The following KCNMA1 variants were observed in gnomAD, a reference collection of about 807,000 sequenced individuals.
The protein encoded by KCNMA1 is potassium calcium-activated channel subfamily M alpha 1.
Under a neutral mutation model 140.0 loss-of-function variants are expected in KCNMA1, and 29 were observed. That is an observed-to-expected ratio of 0.21 (90% CI 0.15 to 0.28). KCNMA1 has a LOEUF of 0.28. KCNMA1 is among the 10% of genes least tolerant of loss of function. KCNMA1 has a pLI of 1.00. For missense variants in KCNMA1, 880 were observed against 1,602.2 expected (o/e 0.55, Z 7.70); for synonymous variants, 612 against 611.9 (o/e 1.00, Z 0.00).
intron 1 of KCNMA1, among the ~76,000 whole-genome samples, chr10:77,404,627 G>A (rs1483968094): frequency 6.6e-6 from 1 of 152,210 alleles, no homozygotes; most frequent in Non-Finnish European, 1.5e-5. Context: ...ATGCTGAGGA[G>A]GGAGGAGGAA....
chr10:76,905,969 G>A lies in KCNMA1; in HGVS notation c.3147+3997C>T, dbSNP rs76475746. Among the ~76,000 whole-genome samples the A allele has an allele frequency of 8.5e-3, 1,288 of 152,282 alleles. 27 individuals are homozygous for A. The highest frequency in any genetic ancestry group is 0.03 in the African/African-American group (1,240 of 41,536). ...CAGAGCTTGTCAAGTGCTAAGCACC[G>A]CTCTAATCGCTTTACAACCTTTACC... On this transcript the variant is annotated intron_variant, in intron 25 of 27. Transcript: ENST00000286628.
chr10:76,945,049 G>C (rs1358843300), intron 22 of KCNMA1, 84 bp from the exon 23 acceptor site: 2 of 1,111,638 alleles, frequency 1.8e-6, no homozygotes, highest in South Asian at 1.3e-5. Context: ...AGTGAGAGGA[G>C]AGGGAAAGAG....
chr10:77,383,047 A>C (rs2095483392), intron 2 of KCNMA1, among the ~76,000 whole-genome samples: 1 of 133,614 alleles, frequency 7.5e-6, no homozygotes, highest in African/African-American at 2.9e-5. Context: ...GGAGGAAAGA[A>C]GTTTTCAGAT....
intron 1 of KCNMA1, among the ~76,000 whole-genome samples, chr10:77,420,053 C>A (rs2096834754): frequency 1.3e-5 from 2 of 152,330 alleles, no homozygotes; most frequent in South Asian, 4.1e-4. Flanking sequence ...TTTGTACCTG[C>A]CTTGGAAGGG....
chr10:76,887,819 T>G (rs2037873106), intron 27 of KCNMA1: 1 of 405,310 alleles, frequency 2.5e-6, no homozygotes. Context: ...TCAAAGTCAC[T>G]TTCAAGTAGC....
intron 2 of KCNMA1, among the ~76,000 whole-genome samples, chr10:77,300,893 G>A (rs1021329018): frequency 6.6e-6 from 1 of 152,140 alleles, no homozygotes; most frequent in Non-Finnish European, 1.5e-5. Context: ...TTCTGAGCCC[G>A]AGCTGCTCAC....
chr10:77,238,650 G>A lies in KCNMA1; in HGVS notation c.602+12545C>T, dbSNP rs377149934. ...ACAGCAGAGACTTTCACTTAGACAT[G>A]TTTTGTATGTCATGCAGGGAAAAGT... On this transcript the variant is annotated intron_variant, in intron 3 of 27. Transcript: ENST00000286628. Among the ~76,000 whole-genome samples the A allele has an allele frequency of 8.5e-5, 13 of 152,302 alleles. No individual in the cohort carries two copies. The East Asian group carries it at 1.4e-3, about 16-fold the overall frequency.
rs200051116 is a variant in KCNMA1 at position 76,884,948 on chromosome 10, C to T, written c.*2318G>A. 1.3e-6 allele frequency: 2 copies of T among 1,527,424 alleles called. No individual in the cohort carries two copies. Among genetic ancestry groups the T allele is most frequent in the Non-Finnish European group, 1.8e-6 (2 of 1,137,230 alleles). The allele number at this position is 1,527,424 out of a possible 1,614,324, so 94.6% of individuals were successfully genotyped here. On this transcript the variant is annotated 3_prime_UTR_variant, in exon 28 of 28. Coordinates refer to ENST00000286628, the MANE Select transcript of KCNMA1 (RefSeq NM_001161352.2). The stretch of plus-strand genomic sequence containing the variant: ...AGGACAACGTTATAGAAGAAAACCC[C>T]CAGCAGTGGCTAGGTCATGCAGAAC...
intron 23 of KCNMA1, among the ~76,000 whole-genome samples, chr10:76,925,802 G>A (rs79116652): frequency 0.018 from 2,692 of 152,148 alleles, 82 homozygotes; most frequent in African/African-American, 0.062. Context: ...CCAAAATCAC[G>A]AGCAAAGTAT....
intron 15 of KCNMA1, among the ~76,000 whole-genome samples, chr10:77,035,936 G>A (rs187820487): frequency 4.7e-4 from 72 of 152,284 alleles, no homozygotes; most frequent in Non-Finnish European, 1.5e-4. Context: ...ACAAAGTATT[G>A]TTCCTGGGTG....
At chr10:77,137,792 A>T (rs1485083793) in intron 5 of KCNMA1, among the ~76,000 whole-genome samples, 1 of 152,164 alleles carries the variant, frequency 6.6e-6, no homozygotes, top group African/African-American at 2.4e-5. Flanking sequence ...TTTTTAAAAA[A>T]ATTTTTTGAG....
chr10:77,174,476 C>T (rs929604385), intron 5 of KCNMA1, among the ~76,000 whole-genome samples: 1 of 152,184 alleles, frequency 6.6e-6, no homozygotes, highest in Non-Finnish European at 1.5e-5. Context: ...TGTTCCACAT[C>T]TGTGCTGTCC....
chr10:77,144,249 A>C (rs2098243839), intron 5 of KCNMA1, among the ~76,000 whole-genome samples: 1 of 152,258 alleles, frequency 6.6e-6, no homozygotes. Flanking sequence ...AAATGGAAGA[A>C]ATTATTAATA....
chr10:77,563,226 A>G (rs1396596096), intron 1 of KCNMA1, among the ~76,000 whole-genome samples: 1 of 152,218 alleles, frequency 6.6e-6, no homozygotes, highest in Non-Finnish European at 1.5e-5. Context: ...GCACCTCTGC[A>G]GTAATTGCAA....
chr10:76,963,165 CAA>C (rs1399539816), intron 20 of KCNMA1, among the ~76,000 whole-genome samples: 1 of 152,204 alleles, frequency 6.6e-6, no homozygotes, highest in Non-Finnish European at 1.5e-5. Context: ...TTCTCCAGTG[CAA>C]AGTCTGAACA....
chr10:77,296,774 T>C (rs142258009), intron 2 of KCNMA1, among the ~76,000 whole-genome samples: 1 of 152,144 alleles, frequency 6.6e-6, no homozygotes, highest in East Asian at 1.9e-4. Context: ...CACAGAATGC[T>C]ATCTCCACTC....
At chr10:77,246,895 C>T (rs1336025664) in intron 3 of KCNMA1, among the ~76,000 whole-genome samples, 1 of 152,160 alleles carries the variant, frequency 6.6e-6, no homozygotes, top group Non-Finnish European at 1.5e-5. Context: ...GTCCATATCC[C>T]CAAAACAGCA....
chr10:77,368,672 A>C lies in KCNMA1; in HGVS notation c.540+35190T>G, dbSNP rs574309596. ...ATCAAAGCTTTATAGTTTTACACTT[A>C]TATCTGTGATCCACTTTGAGTCAAT... On this transcript the variant is annotated intron_variant, in intron 2 of 27. Coordinates refer to ENST00000286628, the MANE Select transcript of KCNMA1 (RefSeq NM_001161352.2). Among the ~76,000 whole-genome samples, 5 of 152,342 alleles carry C rather than the reference A, an allele frequency of 3.3e-5. No individual in the cohort carries two copies. The East Asian group carries it at 9.6e-4, about 29-fold the overall frequency.
chr10:77,565,593 C>T (rs1417916807), intron 1 of KCNMA1, among the ~76,000 whole-genome samples: 1 of 152,174 alleles, frequency 6.6e-6, no homozygotes, highest in Non-Finnish European at 1.5e-5. Context: ...CACCAACGCA[C>T]TGTGTGACCT....
Sources: gnomAD v4.1 joint callset for allele counts (sites outside exome capture counted in the v4.1 genomes callset) on GRCh38, gnomAD v4.1.1 for gene constraint, MANE v1.5 for transcripts, NCBI Gene and HGNC (gene_info 2026-07-23, HGNC 2026-07-21) for gene names.